The following TTC13 variants were observed in gnomAD, a reference collection of about 807,000 sequenced individuals.
TTC13 encodes the protein tetratricopeptide repeat domain 13.
A neutral mutation model predicts 120.0 loss-of-function variants in TTC13; 62 were observed. The observed-to-expected ratio is 0.52, with a 90% CI of 0.42 to 0.64. The LOEUF (loss-of-function observed/expected upper bound fraction) is 0.64. TTC13 is among the 30% of genes least tolerant of loss of function. The pLI is 0.00. For missense variants in TTC13, 824 were observed against 1,050.2 expected (o/e 0.78, Z 2.98); for synonymous variants, 384 against 393.5 (o/e 0.98, Z 0.28).
chr1:230,943,062 A>T (rs1236252049), intron 6 of TTC13, among the ~76,000 whole-genome samples: 1 of 152,238 alleles, frequency 6.6e-6, no homozygotes, highest in Non-Finnish European at 1.5e-5. Flanking sequence ...CATACACATC[A>T]GCAGAATGAA....
At chr1:230,917,415 G>A (rs1416946779) in intron 17 of TTC13, among the ~76,000 whole-genome samples, 1 of 152,118 alleles carries the variant, frequency 6.6e-6, no homozygotes, top group Non-Finnish European at 1.5e-5. Context: ...CTAATAAACC[G>A]CCTCTAGGGG....
At chr1:230,930,256 AATT>A (rs1558184269) in intron 11 of TTC13, among the ~76,000 whole-genome samples, 2 of 152,254 alleles carry the variant, frequency 1.3e-5, no homozygotes, top group African/African-American at 4.8e-5. Flanking sequence ...GCTTCATATT[AATT>A]ATGTTATATA....
chr1:230,914,675 G>A (rs1018875690), intron 18 of TTC13, among the ~76,000 whole-genome samples: 4 of 152,176 alleles, frequency 2.6e-5, no homozygotes, highest in Non-Finnish European at 5.9e-5. Context: ...TTACAGGCGT[G>A]AGCCACTGCG....
chr1:230,956,588 G>A, intron 3 of TTC13: 1 of 392,574 alleles, frequency 2.5e-6, no homozygotes, highest in African/African-American at 2.1e-5. Flanking sequence ...CAATCAATGA[G>A]CCATAAAAAC....
rs16853398 is a variant in TTC13 at position 230,945,922 on chromosome 1, G to A, written c.514-468C>T. ...AACCACTCAGTGCCAACACAATGAC[G>A]AACTAGAAATGAGGCTGCACTGAAA... On this transcript the variant is annotated intron_variant, in intron 4 of 22. Coordinates refer to ENST00000366661, the MANE Select transcript of TTC13 (RefSeq NM_024525.5). Among the ~76,000 whole-genome samples the A allele has an allele frequency of 7.4e-3, 1,130 of 152,246 alleles. 12 individuals carry two copies. Among genetic ancestry groups the A allele is most frequent in the African/African-American group, 0.026 (1,061 of 41,544 alleles).
In TTC13 at chr1:230,921,460, A is replaced by G. The variant is rs1440370157; in HGVS notation, c.1859T>C (p.Ile620Thr). The G allele has an allele frequency of 1.3e-6, 2 of 1,552,442 alleles. No homozygotes were observed. The highest frequency in any genetic ancestry group is 1.8e-6 in the Non-Finnish European group (2 of 1,141,794). Residue 620 changes from isoleucine to threonine, a missense_variant, in exon 16 of 23, where the codon ATA (isoleucine) becomes ACA (threonine). By Grantham distance (89) the Ile-to-Thr change is moderately conservative. Around this residue, in one of 4 missense-constraint regions of TTC13, gnomAD observed 430 missense variants for 626.8 expected, o/e 0.69. Transcript: ENST00000366661. ...AATTCTGTCTTTAATAAAATGAAGT[A>G]TTTTCTCAAAATATTCTAGGTATCT... ...NMRYLEYFEKILHFIKDRILV... is the reference protein window; with the variant it reads ...NMRYLEYFEKTLHFIKDRILV...
At chr1:230,926,521 C>T (rs1673065876) in intron 12 of TTC13, among the ~76,000 whole-genome samples, 2 of 152,110 alleles carry the variant, frequency 1.3e-5, no homozygotes, top group South Asian at 4.1e-4. Context: ...TGTTTGAACA[C>T]ACAGTTTAGG....
intron 1 of TTC13, among the ~76,000 whole-genome samples, chr1:230,971,312 C>CTCCA (rs952021702): frequency 4.8e-5 from 7 of 145,494 alleles, no homozygotes; most frequent in African/African-American, 1.8e-4. Flanking sequence ...CACCACTGCA[C>CTCCA]TCCAGCCTGG....
At chr1:230,971,055 A>C (rs1677679703) in intron 1 of TTC13, among the ~76,000 whole-genome samples, 1 of 152,110 alleles carries the variant, frequency 6.6e-6, no homozygotes. Flanking sequence ...TTATAAGACA[A>C]CCACAGGTGG....
chr1:230,969,985 C>T (rs1432456531), intron 1 of TTC13, among the ~76,000 whole-genome samples: 1 of 152,190 alleles, frequency 6.6e-6, no homozygotes, highest in East Asian at 1.9e-4. Flanking sequence ...TCTTTTGATT[C>T]TCCATCCTCC....
At chr1:230,971,127 C>T (rs910247753) in intron 1 of TTC13, among the ~76,000 whole-genome samples, 3 of 151,968 alleles carry the variant, frequency 2.0e-5, no homozygotes, top group East Asian at 1.9e-4. Flanking sequence ...AGGCGGATCA[C>T]GAGGTCAGGA....
intron 1 of TTC13, among the ~76,000 whole-genome samples, chr1:230,965,357 G>A (rs1483810509): frequency 6.6e-6 from 1 of 152,124 alleles, no homozygotes. Flanking sequence ...AAGGCCAACA[G>A]GCATATGAAA....
chr1:230,941,740 A>G lies in TTC13; in HGVS notation c.673-1184T>C, dbSNP rs879333604. ...GCATGATAGCTCAGAAAGAGGAAAG[A>G]AATTGAATATATGTCTGAGAATTCA... is the stretch of plus-strand genomic sequence containing the variant. On this transcript the variant is annotated intron_variant, in intron 6 of 22. Transcript: ENST00000366661. Among the ~76,000 whole-genome samples, 3 of 152,240 alleles carry G rather than the reference A, an allele frequency of 2.0e-5. No individual in the cohort carries two copies. In the East Asian group the frequency reaches 5.8e-4, roughly 29 times the overall value.
At chr1:230,968,656 G>C (rs551611739) in intron 1 of TTC13, among the ~76,000 whole-genome samples, 5 of 152,140 alleles carry the variant, frequency 3.3e-5, no homozygotes, top group East Asian at 1.9e-4. Context: ...AGAGGGTCAC[G>C]GTCTAAAGGA....
At chr1:230,912,227 T>A (rs903898154) in intron 19 of TTC13, among the ~76,000 whole-genome samples, 2 of 152,160 alleles carry the variant, frequency 1.3e-5, no homozygotes, top group African/African-American at 4.8e-5. Context: ...ATACTTTCCT[T>A]GCCATTAACT....
chr1:230,941,601 C>A (rs1674539846), intron 6 of TTC13, among the ~76,000 whole-genome samples: 1 of 152,184 alleles, frequency 6.6e-6, no homozygotes. Flanking sequence ...CCATGTCCAG[C>A]CTATTCCATC....
rs202218595 is a variant in TTC13 at position 230,908,698 on chromosome 1, C to T, written c.2468+14G>A. On this transcript the variant is annotated intron_variant, in intron 22 of 22. Coordinates refer to ENST00000366661, the MANE Select transcript of TTC13 (RefSeq NM_024525.5). ...GTTATGATACCCTTGTGTGGACCCC[C>T]CTCAAGTAGTTACCTTTTCAAGTTC... 1 of 1,610,260 alleles carries T rather than the reference C, an allele frequency of 6.2e-7. No homozygotes were observed. The highest frequency in any genetic ancestry group is 8.5e-7 in the Non-Finnish European group (1 of 1,176,688).
rs1674602081 is a variant in TTC13 at position 230,942,342 on chromosome 1, A to T, written c.672+1464T>A. Among the ~76,000 whole-genome samples, 1 of 152,182 alleles carries T rather than the reference A, an allele frequency of 6.6e-6. No homozygotes were observed. Among genetic ancestry groups the T allele is most frequent in the South Asian group, 2.1e-4 (1 of 4,822 alleles). Reference sequence around the variant, plus strand: ...TACCAGCAAGTCTCATGCAGTGATAAACTATAGTCACTTAACCCTTAGGGT... The same window carrying T: ...TACCAGCAAGTCTCATGCAGTGATATACTATAGTCACTTAACCCTTAGGGT... On this transcript the variant is annotated intron_variant, in intron 6 of 22. Coordinates refer to ENST00000366661, the MANE Select transcript of TTC13 (RefSeq NM_024525.5). The surrounding 1 kb of genome is among the most constrained non-coding windows in gnomAD (Gnocchi z 4.0).
chr1:230,908,990 T>G lies in TTC13; in HGVS notation c.2340A>C (p.Ala780=), dbSNP rs756831184. The change falls in exon 21 of 23, where the codon GCA becomes GCC. Residue 780 remains alanine (A), a synonymous_variant. Transcript: ENST00000366661. ...SVIAYSVIVG[A]LMASGKEVAG... Reference sequence around the variant, plus strand: ...CTACTTCTTTTCCACTTGCCATCAGTGCTCCCACGATGACCGAGTAAGCAA... The same window carrying G: ...CTACTTCTTTTCCACTTGCCATCAGGGCTCCCACGATGACCGAGTAAGCAA... 1.2e-5 allele frequency: 19 copies of G among 1,614,216 alleles called. No individual in the cohort carries two copies. The South Asian group carries it at 2.1e-4, about 18-fold the overall frequency.
Sources: gnomAD v4.1 joint callset for allele counts (sites outside exome capture counted in the v4.1 genomes callset) on GRCh38, gnomAD v4.1.1 for gene constraint, gnomAD v4.1.1 regional missense constraint, Gnocchi (gnomAD v3.1) non-coding constraint, MANE v1.5 for transcripts, NCBI Gene and HGNC (gene_info 2026-07-23, HGNC 2026-07-21) for gene names.